DACH1: variants seen among roughly 807,000 people sequenced by gnomAD.
DACH1 encodes dachshund family transcription factor 1, also known as dachshund homolog 1.
DACH1 carries 12 observed loss-of-function variants against 54.2 expected under a neutral mutation model. The observed-to-expected ratio is 0.22, with a 90% CI of 0.14 to 0.36. DACH1 has a LOEUF of 0.36. Ranked by LOEUF, DACH1 falls within the 10% of genes least tolerant of loss-of-function variation. The pLI, the probability that DACH1 is intolerant of heterozygous loss-of-function variation, is 1.00. For synonymous variants in DACH1, 386 were observed against 366.2 expected, an observed-to-expected ratio of 1.05 and a Z score of -0.62; for missense variants, 805 against 929.8, an observed-to-expected ratio of 0.87 and a Z score of 1.75.
intron 2 of DACH1, among the ~76,000 whole-genome samples, chr13:71,671,309 C>T (rs922411183): frequency 4.6e-5 from 7 of 151,658 alleles, no homozygotes; most frequent in South Asian, 2.1e-4. Flanking sequence ...AAAAAGTATC[C>T]GTTAGCTTTA....
chr13:71,481,985 C>T (rs1177266286), intron 7 of DACH1, among the ~76,000 whole-genome samples: 2 of 151,998 alleles, frequency 1.3e-5, no homozygotes, highest in African/African-American at 2.4e-5. Context: ...TGACAAAAAA[C>T]GATAGAAGGT....
At chr13:71,465,826 C>T (rs1197311408) in intron 10 of DACH1, among the ~76,000 whole-genome samples, 3 of 152,136 alleles carry the variant, frequency 2.0e-5, no homozygotes, top group Non-Finnish European at 2.9e-5. Context: ...AAAGTATCAT[C>T]GGTACAAATA....
At chr13:71,835,070 CA>C (rs1015539881) in intron 1 of DACH1, among the ~76,000 whole-genome samples, 6 of 152,084 alleles carry the variant, frequency 3.9e-5, no homozygotes, top group Admixed American at 2.0e-4. Context: ...CTCAACTCCC[CA>C]CCAAAATTCA....
intron 7 of DACH1, among the ~76,000 whole-genome samples, chr13:71,486,858 ATCTG>A (rs1878574410): frequency 3.5e-5 from 5 of 144,012 alleles, no homozygotes; most frequent in African/African-American, 2.6e-5. Flanking sequence ...CTATCTATCT[ATCTG>A]AGATGGAGTT....
intron 1 of DACH1, among the ~76,000 whole-genome samples, chr13:71,847,258 AT>A (rs1429428202): frequency 6.6e-6 from 1 of 152,180 alleles, no homozygotes; most frequent in Non-Finnish European, 1.5e-5. Flanking sequence ...TCTAAAACAT[AT>A]GTATTTGCAT....
At chr13:71,786,911 T>C (rs778825174) in intron 1 of DACH1, among the ~76,000 whole-genome samples, 9 of 152,078 alleles carry the variant, frequency 5.9e-5, no homozygotes, top group Non-Finnish European at 1.0e-4. Context: ...GACCAAAGAA[T>C]TTTCTCCGTC....
intron 1 of DACH1, among the ~76,000 whole-genome samples, chr13:71,854,555 A>C (rs972597209): frequency 4.6e-5 from 7 of 152,104 alleles, no homozygotes; most frequent in Admixed American, 3.3e-4. Context: ...GTGTAACATC[A>C]ATCATTATTG....
At chr13:71,730,284 C>T (rs1566463274) in intron 1 of DACH1, among the ~76,000 whole-genome samples, 1 of 151,968 alleles carries the variant, frequency 6.6e-6, no homozygotes, top group Non-Finnish European at 1.5e-5. Context: ...AAGTCATTAC[C>T]TGGGGCTACC....
chr13:71,606,749 A>C (rs1303535937), intron 3 of DACH1, among the ~76,000 whole-genome samples: 1 of 152,074 alleles, frequency 6.6e-6, no homozygotes, highest in East Asian at 1.9e-4. Context: ...GATCCCTAAC[A>C]GGTAGAATGA....
In DACH1 at chr13:71,450,402, A is replaced by G. The variant is rs117985278; in HGVS notation, c.2084-9710T>C. Among the ~76,000 whole-genome samples the G allele has an allele frequency of 6.2e-4, 95 of 152,216 alleles. 1 individual carries two copies. In the East Asian group the frequency reaches 0.016, roughly 25 times the overall value. On this transcript the variant is annotated intron_variant, in intron 10 of 10. Transcript: ENST00000613252. ...TTTGGGGGTTCCACGAACTATGCCC[A>G]TATAAGACGATGAACTTAATAAATG...
intron 4 of DACH1, among the ~76,000 whole-genome samples, chr13:71,571,386 A>G (rs1366436424): frequency 1.3e-5 from 2 of 152,212 alleles, no homozygotes; most frequent in Admixed American, 6.5e-5. Context: ...TGAATTCTCA[A>G]TAATACCTAT....
At chr13:71,568,055 T>A (rs1311156114) in intron 4 of DACH1, among the ~76,000 whole-genome samples, 1 of 152,006 alleles carries the variant, frequency 6.6e-6, no homozygotes, top group Non-Finnish European at 1.5e-5. Flanking sequence ...TCGTTTAACG[T>A]AATAAAGGAA....
intron 1 of DACH1, among the ~76,000 whole-genome samples, chr13:71,766,189 A>G (rs1001227382): frequency 6.6e-6 from 1 of 152,042 alleles, no homozygotes; most frequent in Admixed American, 6.5e-5. Flanking sequence ...CCTGGCCTCA[A>G]AAAGATTATT....
At chr13:71,713,627 C>T (rs1251186714) in intron 1 of DACH1, among the ~76,000 whole-genome samples, 1 of 152,032 alleles carries the variant, frequency 6.6e-6, no homozygotes. Flanking sequence ...TGTTCTTCTA[C>T]AGGCAATAAA....
At chr13:71,656,851 TATAG>T (rs1362786730) in intron 2 of DACH1, among the ~76,000 whole-genome samples, 3 of 145,356 alleles carry the variant, frequency 2.1e-5, no homozygotes, top group Admixed American at 1.4e-4. Context: ...GATAGACAGA[TATAG>T]ATAGACAGAT....
chr13:71,674,608 G>C (rs906805793), intron 2 of DACH1, among the ~76,000 whole-genome samples: 2 of 151,980 alleles, frequency 1.3e-5, no homozygotes, highest in African/African-American at 4.8e-5. Context: ...TCCAGAGGGG[G>C]TACCCTGCTG....
At chr13:71,613,394 A>T (rs780221002) in intron 3 of DACH1, among the ~76,000 whole-genome samples, 23 of 152,212 alleles carry the variant, frequency 1.5e-4, no homozygotes, top group Non-Finnish European at 3.4e-4. Context: ...GTTGAATTTT[A>T]TTATCAGTGC....
intron 3 of DACH1, among the ~76,000 whole-genome samples, chr13:71,615,606 A>C (rs1875701064): frequency 6.6e-6 from 1 of 152,190 alleles, no homozygotes; most frequent in African/African-American, 2.4e-5. Flanking sequence ...TGAATCTTGT[A>C]GCATATTTCC....
chr13:71,849,753 T>C (rs1873538898), intron 1 of DACH1, among the ~76,000 whole-genome samples: 1 of 152,200 alleles, frequency 6.6e-6, no homozygotes, highest in Admixed American at 6.5e-5. Flanking sequence ...TCAGAGAAGA[T>C]TCTAATATTC....
Sources: allele counts gnomAD v4.1 joint callset (sites outside exome capture counted in the v4.1 genomes callset), GRCh38; gene constraint gnomAD v4.1.1; transcripts MANE v1.5; gene names NCBI Gene and HGNC (gene_info 2026-07-23, HGNC 2026-07-21).